PHKB: variants seen among roughly 807,000 people sequenced by gnomAD.
The protein encoded by PHKB is phosphorylase kinase regulatory subunit beta.
PHKB carries 122 observed loss-of-function variants against 152.1 expected under a neutral mutation model. The ratio of observed to expected loss-of-function variants is 0.80; its 90% CI spans 0.69 to 0.93. The LOEUF is 0.93. PHKB is among the 40% of genes least tolerant of loss of function. The pLI is 0.00. For synonymous variants in PHKB, 436 were observed against 464.9 expected, an observed-to-expected ratio of 0.94 and a Z score of 0.80; for missense variants, 1,304 against 1,328.4, an observed-to-expected ratio of 0.98 and a Z score of 0.29.
intron 14 of PHKB, among the ~76,000 whole-genome samples, chr16:47,630,369 C>T (rs892077542): frequency 2.6e-5 from 4 of 151,968 alleles, no homozygotes; most frequent in African/African-American, 9.7e-5. Flanking sequence ...GTAATCCCAG[C>T]TACTCGGGAG....
chr16:47,528,600 A>G (rs1295815445), intron 6 of PHKB, among the ~76,000 whole-genome samples: 1 of 152,136 alleles, frequency 6.6e-6, no homozygotes, highest in Admixed American at 6.5e-5. Context: ...ATGAGAATGT[A>G]AATGAGTCAT....
chr16:47,547,580 A>G (rs762409871), intron 7 of PHKB, 32 bp downstream of exon 7: 12 of 1,100,810 alleles, frequency 1.1e-5, no homozygotes, highest in Admixed American at 1.7e-5. Context: ...TTTTTTTTTT[A>G]AATTAAATGT....
chr16:47,617,883 TG>T (rs1477789457), intron 14 of PHKB, among the ~76,000 whole-genome samples: 2 of 152,230 alleles, frequency 1.3e-5, no homozygotes, highest in Non-Finnish European at 1.5e-5. Context: ...TTTAAGAATC[TG>T]TTGTTTGCAG....
At chr16:47,636,958 G>A (rs189715829) in intron 14 of PHKB, among the ~76,000 whole-genome samples, 4 of 152,132 alleles carry the variant, frequency 2.6e-5, no homozygotes, top group Admixed American at 6.5e-5. Context: ...CCCATGGACC[G>A]ATCAGCATGC....
chr16:47,535,882 C>T (rs184655539), intron 6 of PHKB, among the ~76,000 whole-genome samples: 50 of 152,246 alleles, frequency 3.3e-4, no homozygotes, highest in African/African-American at 9.9e-4. Context: ...TATTTCTCTA[C>T]ATACTTTTTG....
chr16:47,594,220 G>GT lies in PHKB; in HGVS notation c.1204+8dup. ...ACTTCATCATACCACAGAAGGTATA[G>GT]TTGTTTTTTTAAGAAATTCTTCCTA... On this transcript the variant is annotated splice_region_variant and intron_variant, in intron 12 of 30. Transcript: ENST00000323584. 3.4e-6 allele frequency: 5 copies of GT among 1,472,690 alleles called. No homozygotes were observed. The highest frequency in any genetic ancestry group is 2.9e-6 in the Non-Finnish European group (3 of 1,051,812). 91.2% of individuals were successfully genotyped at this position (1,472,690 alleles called of 1,614,324 possible). A position where few individuals can be genotyped will look rare whatever the true frequency, so the allele number is the denominator to read the frequency against.
At chr16:47,586,511 T>TA (rs1365872921) in intron 8 of PHKB, among the ~76,000 whole-genome samples, 1 of 152,236 alleles carries the variant, frequency 6.6e-6, no homozygotes, top group African/African-American at 2.4e-5. Context: ...TTTTATGAGC[T>TA]AATTTTCATG....
intron 29 of PHKB, among the ~76,000 whole-genome samples, chr16:47,696,831 A>C (rs1974156949): frequency 6.6e-6 from 1 of 152,180 alleles, no homozygotes; most frequent in Admixed American, 6.5e-5. Context: ...ACCTTTTTCT[A>C]TTCACTTTCT....
intron 10 of PHKB, among the ~76,000 whole-genome samples, chr16:47,591,922 C>G (rs1377966770): frequency 6.6e-6 from 1 of 152,162 alleles, no homozygotes; most frequent in African/African-American, 2.4e-5. Context: ...CTCTATTACT[C>G]CCTGGTTTAG....
At chr16:47,515,495 C>G in intron 5 of PHKB, 26 bp from the exon 6 acceptor site, 2 of 1,052,704 alleles carry the variant, frequency 1.9e-6, no homozygotes, top group Non-Finnish European at 3.0e-6. Flanking sequence ...TTTCCTTTAA[C>G]CTTTTAATGT....
intron 9 of PHKB, among the ~76,000 whole-genome samples, chr16:47,588,246 G>A (rs1021860963): frequency 2.0e-5 from 3 of 150,612 alleles, no homozygotes; most frequent in African/African-American, 7.3e-5. Context: ...AACACCCAAA[G>A]TGGAATAATT....
rs1286430292 is a variant in PHKB, at chr16:47,629,617, G to A, written c.1459-11418G>A. Among the ~76,000 whole-genome samples, 5 of 150,398 alleles carry A rather than the reference G, an allele frequency of 3.3e-5. No individual in the cohort carries two copies. The South Asian group carries it at 6.3e-4, about 19-fold the overall frequency. On this transcript the variant is annotated intron_variant, in intron 14 of 30. Transcript: ENST00000323584. The stretch of plus-strand genomic sequence containing the variant: ...CAACCATTGTGGAAGTCAGTGTGGC[G>A]ATTCCTCAGGGATCTAGAACTAGAA...
intron 20 of PHKB, among the ~76,000 whole-genome samples, chr16:47,653,998 A>G (rs1255178660): frequency 6.6e-6 from 1 of 152,200 alleles, no homozygotes; most frequent in Non-Finnish European, 1.5e-5. Flanking sequence ...ACCTTTGACT[A>G]AAAGGGAATC....
Position 47,699,162 on chromosome 16 carries a change from C to T in PHKB, c.3145-67C>T, listed in dbSNP as rs745974962. On this transcript the variant is annotated intron_variant, in intron 30 of 30. Transcript: ENST00000323584. ...ATTTATTTTTCCCCCTAAGCTGACA[C>T]AGATTTTACCTGTCAACTCTTTACA... 1.2e-5 allele frequency: 17 copies of T among 1,470,754 alleles called. No homozygotes were observed. In the South Asian group the frequency reaches 1.8e-4, roughly 16 times the overall value. The allele number at this position is 1,470,754 out of a possible 1,614,324, so 91.1% of individuals were successfully genotyped here.
chr16:47,613,601 T>C (rs1311821018), intron 14 of PHKB, among the ~76,000 whole-genome samples: 1 of 152,220 alleles, frequency 6.6e-6, no homozygotes, highest in East Asian at 1.9e-4. Flanking sequence ...TTACTTTTTC[T>C]CAAATGTTTT....
intron 13 of PHKB, among the ~76,000 whole-genome samples, chr16:47,597,129 G>T (rs1972134098): frequency 6.6e-6 from 1 of 152,002 alleles, no homozygotes; most frequent in Admixed American, 6.6e-5. Context: ...CAAATTCCTT[G>T]TTCAAATTTT....
chr16:47,564,263 TA>T (rs1971526663), intron 7 of PHKB, among the ~76,000 whole-genome samples: 1 of 152,046 alleles, frequency 6.6e-6, no homozygotes, highest in South Asian at 2.1e-4. Context: ...CTGTCTTTCA[TA>T]AATATCGTAC....
intron 1 of PHKB, among the ~76,000 whole-genome samples, chr16:47,491,357 T>A (rs1970147715): frequency 2.0e-5 from 3 of 152,328 alleles, no homozygotes; most frequent in South Asian, 2.1e-4. Flanking sequence ...AAAGGCAGTT[T>A]GTAACCTTAA....
At chr16:47,517,161 G>A (rs1970611447) in intron 6 of PHKB, among the ~76,000 whole-genome samples, 1 of 151,984 alleles carries the variant, frequency 6.6e-6, no homozygotes, top group Non-Finnish European at 1.5e-5. Context: ...AGCACTGGGA[G>A]AAATATCCTA....
Sources: allele counts gnomAD v4.1 joint callset (sites outside exome capture counted in the v4.1 genomes callset), GRCh38; gene constraint gnomAD v4.1.1; transcripts MANE v1.5; gene names NCBI Gene and HGNC (gene_info 2026-07-23, HGNC 2026-07-21).